IRAK2: variants seen among roughly 807,000 people sequenced by gnomAD.
IRAK2 encodes the protein interleukin 1 receptor associated kinase 2.
IRAK2 carries 57 observed loss-of-function variants against 72.0 expected under a neutral mutation model. That is an observed-to-expected ratio of 0.79 (90% CI 0.64 to 0.99). The LOEUF (loss-of-function observed/expected upper bound fraction) is 0.99. IRAK2 is among the 50% of genes least tolerant of loss of function. The probability of loss-of-function intolerance (pLI) is 0.00; values close to 1 mark genes in which losing one functional copy is unlikely to be tolerated. For missense variants in IRAK2, 790 were observed against 794.4 expected (o/e 0.99, Z 0.07); for synonymous variants, 293 against 312.7 (o/e 0.94, Z 0.67).
intron 11 of IRAK2, among the ~76,000 whole-genome samples, chr3:10,237,795 G>A (rs764508318): frequency 7.6e-6 from 1 of 132,210 alleles, no homozygotes; most frequent in South Asian, 2.4e-4. Flanking sequence ...GAAAGAGCGA[G>A]ACTCTGTCTC....
intron 7 of IRAK2, among the ~76,000 whole-genome samples, chr3:10,219,091 G>A (rs1559450163): frequency 2.0e-5 from 3 of 152,160 alleles, no homozygotes; most frequent in African/African-American, 4.8e-5. Flanking sequence ...CCAGCTATTC[G>A]GGAGTCTGAG....
intron 3 of IRAK2, among the ~76,000 whole-genome samples, chr3:10,206,702 T>C (rs1468726191): frequency 3.9e-5 from 6 of 152,028 alleles, no homozygotes; most frequent in South Asian, 2.1e-4. Flanking sequence ...CCTACAGGCA[T>C]GTGCCACCAT....
At chr3:10,167,105 A>AT (rs1696706293) in intron 1 of IRAK2, among the ~76,000 whole-genome samples, 1 of 152,146 alleles carries the variant, frequency 6.6e-6, no homozygotes, top group Non-Finnish European at 1.5e-5. Context: ...TAAAAAAAAA[A>AT]TAAAGCTTTA....
At chr3:10,218,470 G>C in intron 7 of IRAK2, among the ~76,000 whole-genome samples, 1 of 150,296 alleles carries the variant, frequency 6.7e-6, no homozygotes, top group African/African-American at 2.5e-5. Context: ...ATTTAGCCTG[G>C]GAGAGTCAGT....
intron 7 of IRAK2, among the ~76,000 whole-genome samples, chr3:10,218,143 G>A (rs1331819786): frequency 6.6e-6 from 1 of 152,150 alleles, no homozygotes; most frequent in Non-Finnish European, 1.5e-5. Flanking sequence ...AGGTGATGAG[G>A]CTGGGCACAG....
At chr3:10,191,646 C>T (rs1156795468) in intron 2 of IRAK2, among the ~76,000 whole-genome samples, 2 of 152,120 alleles carry the variant, frequency 1.3e-5, no homozygotes, top group Non-Finnish European at 2.9e-5. Flanking sequence ...CCCAGCTTCC[C>T]TACATTCTTC....
Position 10,213,322 on chromosome 3 carries a change from A to G in IRAK2, c.644A>G (p.Lys215Arg). 6.2e-7 allele frequency: 1 copy of G among 1,614,142 alleles called. No individual in the cohort carries two copies. The highest frequency in any genetic ancestry group is 1.3e-5 in the African/African-American group (1 of 75,024). Residue 215 changes from lysine (K) to arginine (R), a missense_variant, in exon 5 of 13, where the codon AAA becomes AGA. Lys to Arg is a conservative substitution (Grantham distance 26). Coordinates refer to ENST00000256458, the MANE Select transcript of IRAK2 (RefSeq NM_001570.4). Reference sequence around the variant, plus strand: ...ACCGATGACTTCAATCAAAACCGCAAAATCAGCCAGGGGACCTTTGCTGAC... The same window carrying G: ...ACCGATGACTTCAATCAAAACCGCAGAATCAGCCAGGGGACCTTTGCTGAC... ...QATDDFNQNR[K>R]ISQGTFADVY... is the part of the protein sequence containing the mutation.
At chr3:10,176,613 G>A (rs981167635) in intron 1 of IRAK2, among the ~76,000 whole-genome samples, 2 of 151,584 alleles carry the variant, frequency 1.3e-5, no homozygotes, top group African/African-American at 4.9e-5. Context: ...GAGTAGCTGG[G>A]ACTACAGGTG....
chr3:10,185,396 A>G (rs545722477), intron 2 of IRAK2, among the ~76,000 whole-genome samples: 18 of 150,534 alleles, frequency 1.2e-4, no homozygotes, highest in Non-Finnish European at 2.4e-4. Context: ...TGTCTCTACT[A>G]AAAACACAAA....
intron 1 of IRAK2, among the ~76,000 whole-genome samples, chr3:10,167,006 A>G (rs1410429504): frequency 6.6e-6 from 1 of 152,082 alleles, no homozygotes; most frequent in Admixed American, 6.6e-5. Context: ...ACTCCCTCTC[A>G]TTTTTTCCAC....
chr3:10,195,666 G>A (rs1307742022), intron 2 of IRAK2, among the ~76,000 whole-genome samples: 1 of 152,160 alleles, frequency 6.6e-6, no homozygotes, highest in Non-Finnish European at 1.5e-5. Flanking sequence ...CCGACAAGGA[G>A]AAGGTGCCTC....
intron 1 of IRAK2, among the ~76,000 whole-genome samples, chr3:10,175,067 C>G (rs781590487): frequency 6.6e-6 from 1 of 151,334 alleles, no homozygotes; most frequent in Non-Finnish European, 1.5e-5. Context: ...CTCATGCCAC[C>G]TGGGCAACAG....
intron 1 of IRAK2, 39 bp downstream of exon 1, chr3:10,165,087 C>G: frequency 1.3e-6 from 2 of 1,549,592 alleles, no homozygotes; most frequent in Non-Finnish European, 1.8e-6. Flanking sequence ...CCAGGGCGAC[C>G]GGAGCCCCCA....
Position 10,219,500 on chromosome 3 carries a change from A to G in IRAK2, c.904-180A>G, listed in dbSNP as rs545351052. Among the ~76,000 whole-genome samples, 4 of 152,034 alleles carry G rather than the reference A, an allele frequency of 2.6e-5. No individual in the cohort carries two copies. In the East Asian group the frequency reaches 7.7e-4, roughly 29 times the overall value. On this transcript the variant is annotated intron_variant, in intron 7 of 12. Coordinates refer to ENST00000256458, the MANE Select transcript of IRAK2 (RefSeq NM_001570.4). ...GGACCGGCTAATTTTTTGTATTTTTAGTAGAGATGGGGTTTCACCGTGTTA... is the reference window on the plus strand; with the variant it reads ...GGACCGGCTAATTTTTTGTATTTTTGGTAGAGATGGGGTTTCACCGTGTTA...
At chr3:10,194,651 G>A (rs1229669722) in intron 2 of IRAK2, among the ~76,000 whole-genome samples, 1 of 152,174 alleles carries the variant, frequency 6.6e-6, no homozygotes, top group African/African-American at 2.4e-5. Context: ...TTGGAGGGAT[G>A]AGGACAGAGG....
At chr3:10,216,317 C>A (rs916730207) in intron 6 of IRAK2, among the ~76,000 whole-genome samples, 2 of 152,106 alleles carry the variant, frequency 1.3e-5, no homozygotes, top group African/African-American at 2.4e-5. Flanking sequence ...TGATGTTGAC[C>A]TGAGCATCAG....
At position 10,239,001 on chromosome 3, in the gene IRAK2, C is replaced by T. The variant is rs779225225; in HGVS notation, c.1727C>T (p.Ser576Phe). 1.4e-5 allele frequency: 22 copies of T among 1,612,396 alleles called. 1 individual carries two copies. In the South Asian group the frequency reaches 2.3e-4, roughly 17 times the overall value. ...RVIVGREADS[S>F]SEACVGLEPP... The stretch of plus-strand genomic sequence containing the variant: ...ATCGTGGGAAGGGAGGCTGACTCCT[C>T]CTCTGAGGCCTGTGTTGGCCTGGAG... The change falls in exon 12 of 13, where the codon TCC (serine) becomes TTC (phenylalanine). Residue 576 changes from serine to phenylalanine, a missense_variant. Physicochemically the swap from Ser to Phe is radical, Grantham distance 155. Transcript: ENST00000256458.
At chr3:10,169,934 T>C (rs1365583116) in intron 1 of IRAK2, among the ~76,000 whole-genome samples, 1 of 152,200 alleles carries the variant, frequency 6.6e-6, no homozygotes, top group East Asian at 1.9e-4. Context: ...TGGGAACTGA[T>C]AAATGTCCAT....
At chr3:10,218,437 A>C (rs1336751836) in intron 7 of IRAK2, among the ~76,000 whole-genome samples, 9 of 135,116 alleles carry the variant, frequency 6.7e-5, no homozygotes, top group South Asian at 2.2e-4. Context: ...AAAAAAAAAA[A>C]AAAAAAAACC....
Sources: allele counts gnomAD v4.1 joint callset (sites outside exome capture counted in the v4.1 genomes callset), GRCh38; gene constraint gnomAD v4.1.1; transcripts MANE v1.5; gene names NCBI Gene and HGNC (gene_info 2026-07-23, HGNC 2026-07-21).